The following SERTAD4 variants were observed in gnomAD, a reference collection of about 807,000 sequenced individuals.
SERTAD4 encodes SERTA domain-containing protein 4.
A neutral mutation model predicts 32.9 loss-of-function variants in SERTAD4; 18 were observed. The observed-to-expected ratio is 0.55, with a 90% CI of 0.38 to 0.81. The LOEUF is 0.81. Among genes scored for constraint, SERTAD4 ranks in the 30% least tolerant of loss-of-function variants. SERTAD4 has a pLI of 0.00. For synonymous variants in SERTAD4, 150 were observed against 156.4 expected (o/e 0.96, Z 0.30); for missense variants, 383 against 426.0 (o/e 0.90, Z 0.89).
intron 1 of SERTAD4, among the ~76,000 whole-genome samples, chr1:210,236,283 C>T (rs1183754586): frequency 1.3e-5 from 2 of 152,220 alleles, no homozygotes; most frequent in Non-Finnish European, 2.9e-5. Flanking sequence ...TAAGTCCGTA[C>T]TGATGTCTCT....
At chr1:210,238,159 T>TC (rs753237057) in intron 2 of SERTAD4, 24 bp downstream of exon 2, 62 of 1,291,580 alleles carry the variant, frequency 4.8e-5, no homozygotes, top group Middle Eastern at 2.8e-4. Context: ...CCTGCGCCCA[T>TC]CCCCCCCACC....
At chr1:210,238,165 C>T in intron 2 of SERTAD4, 30 bp downstream of exon 2, 2 of 1,376,702 alleles carry the variant, frequency 1.5e-6, no homozygotes, top group Non-Finnish European at 2.0e-6. Context: ...CCCATCCCCC[C>T]CACCCCTCGC....
rs1420433379 is a variant in SERTAD4 at position 210,233,009 on chromosome 1, G to A, written c.-20G>A. 1 of 150,912 alleles carries A rather than the reference G, an allele frequency of 6.6e-6. No homozygotes were observed. Among genetic ancestry groups the A allele is most frequent in the Non-Finnish European group, 1.5e-5 (1 of 67,614 alleles). 9.3% of individuals were successfully genotyped at this position (150,912 alleles called of 1,614,324 possible). On this transcript the variant is annotated splice_region_variant and 5_prime_UTR_variant, in exon 1 of 4. Coordinates refer to ENST00000367012, the MANE Select transcript of SERTAD4 (RefSeq NM_019605.5). Reference sequence around the variant, plus strand: ...CGGCCGCCGCCTCCCCGCTGACCCCGCGGTAAGAGCCGGGCTGGGCGCGGG... The same window carrying A: ...CGGCCGCCGCCTCCCCGCTGACCCCACGGTAAGAGCCGGGCTGGGCGCGGG...
rs1309876925 is a variant in SERTAD4, at chr1:210,243,917, A to G, written c.*1580A>G. The G allele has an allele frequency of 6.6e-6, 1 of 152,192 alleles. No individual in the cohort carries two copies. The highest frequency in any genetic ancestry group is 2.4e-5 in the African/African-American group (1 of 41,446). The allele number at this position is 152,192 out of a possible 1,614,324, so 9.4% of individuals were successfully genotyped here. A position where few individuals can be genotyped will look rare whatever the true frequency, so the allele number is the denominator to read the frequency against. On this transcript the variant is annotated 3_prime_UTR_variant, in exon 4 of 4. Transcript: ENST00000367012. ...AGGATCATTTGGACAATTGTCCACAAAGACCAATTTTTAAAACATTTTCTT... is the reference window on the plus strand; with the variant it reads ...AGGATCATTTGGACAATTGTCCACAGAGACCAATTTTTAAAACATTTTCTT...
At chr1:210,234,847 C>A (rs2083925388) in intron 1 of SERTAD4, among the ~76,000 whole-genome samples, 1 of 152,156 alleles carries the variant, frequency 6.6e-6, no homozygotes, top group African/African-American at 2.4e-5. Flanking sequence ...ATCATAATTG[C>A]TTCTAGGAAA....
intron 3 of SERTAD4, 56 bp downstream of exon 3, chr1:210,239,664 G>A (rs979036216): frequency 5.0e-6 from 5 of 992,160 alleles, no homozygotes. Context: ...CTTAGTAACA[G>A]TTGCTTGATC....
chr1:210,241,000 CTG>C (rs755990157), intron 3 of SERTAD4, among the ~76,000 whole-genome samples: 1 of 151,984 alleles, frequency 6.6e-6, no homozygotes, highest in South Asian at 2.1e-4. Flanking sequence ...AGTTATGTGT[CTG>C]TGTGTGTGTA....
Position 210,244,512 on chromosome 1 carries a change from A to G in SERTAD4, c.*2175A>G, listed in dbSNP as rs1453081640. 2.6e-5 allele frequency: 4 copies of G among 152,236 alleles called. No homozygotes were observed. Among genetic ancestry groups the G allele is most frequent in the African/African-American group, 9.6e-5 (4 of 41,464 alleles). The allele number at this position is 152,236 out of a possible 1,614,324, so 9.4% of individuals were successfully genotyped here. On this transcript the variant is annotated 3_prime_UTR_variant, in exon 4 of 4. Transcript: ENST00000367012. Reference sequence around the variant, plus strand: ...ACAGCTACAGATTATTGCTAGTAGCATTCCATACAATTCCATATTAATGTT... The same window carrying G: ...ACAGCTACAGATTATTGCTAGTAGCGTTCCATACAATTCCATATTAATGTT...
intron 1 of SERTAD4, 23 bp from the exon 2 acceptor site, chr1:210,237,920 TG>T: frequency 6.6e-7 from 1 of 1,524,840 alleles, no homozygotes; most frequent in South Asian, 1.2e-5. Context: ...TCTTCATTCT[TG>T]TTTTTTTTTT....
Position 210,241,912 on chromosome 1 carries a change from G to A in SERTAD4, c.646G>A (p.Ala216Thr), listed in dbSNP as rs1481315153. Residue 216 changes from alanine (A) to threonine (T), a missense_variant, in exon 4 of 4, where the codon GCT becomes ACT. Coordinates refer to ENST00000367012, the MANE Select transcript of SERTAD4 (RefSeq NM_019605.5). ...TGCTAATGTTGGAAGTGCCTCCACT[G>A]CTGCCTCCTCTCCCTCCGCCTCTTC... ...VNANVGSASTAASSPSASSSS... is the reference protein window; with the variant it reads ...VNANVGSASTTASSPSASSSS... 1 of 1,614,032 alleles carries A rather than the reference G, an allele frequency of 6.2e-7. No homozygotes were observed. The highest frequency in any genetic ancestry group is 1.1e-5 in the South Asian group (1 of 91,066).
At chr1:210,237,757 C>G (rs1484692351) in intron 1 of SERTAD4, among the ~76,000 whole-genome samples, 187 bp from the exon 2 acceptor site, 1 of 152,056 alleles carries the variant, frequency 6.6e-6, no homozygotes, top group Non-Finnish European at 1.5e-5. Context: ...AGAGGCTGAG[C>G]TAATAGCAGC....
At chr1:210,233,032 G>C (rs2083892710) in intron 1 of SERTAD4, 21 bp downstream of exon 1, 1 of 151,194 alleles carries the variant, frequency 6.6e-6, no homozygotes, top group Admixed American at 6.6e-5. Flanking sequence ...GGCTGGGCGC[G>C]GGCCGCGGGG....
chr1:210,242,415 G>A lies in SERTAD4; in HGVS notation c.*78G>A. On this transcript the variant is annotated 3_prime_UTR_variant, in exon 4 of 4. Coordinates refer to ENST00000367012, the MANE Select transcript of SERTAD4 (RefSeq NM_019605.5). The surrounding 1 kb of genome is among the most constrained non-coding windows in gnomAD (Gnocchi z 4.0). ...GTAAATTTTATTTTGAATGGATTTT[G>A]TAGTTTTGTACAACAGATAAAATTA... is the stretch of plus-strand genomic sequence containing the variant. The A allele has an allele frequency of 6.0e-6, 9 of 1,504,430 alleles. No homozygotes were observed. The highest frequency in any genetic ancestry group is 7.1e-6 in the Non-Finnish European group (8 of 1,132,122). 93.2% of individuals were successfully genotyped at this position (1,504,430 alleles called of 1,614,324 possible).
chr1:210,245,344 A>C lies in SERTAD4; in HGVS notation c.*3007A>C, dbSNP rs1270594348. 1 of 152,244 alleles carries C rather than the reference A, an allele frequency of 6.6e-6. No homozygotes were observed. Among genetic ancestry groups the C allele is most frequent in the African/African-American group, 2.4e-5 (1 of 41,462 alleles). The allele number at this position is 152,244 out of a possible 1,614,324, so 9.4% of individuals were successfully genotyped here. A position where few individuals can be genotyped will look rare whatever the true frequency, so the allele number is the denominator to read the frequency against. ...TCCCCTAGGCATCTGGGTGCATATCATTAATGAAATCATTAACCTTTGTCT... is the reference window on the plus strand; with the variant it reads ...TCCCCTAGGCATCTGGGTGCATATCCTTAATGAAATCATTAACCTTTGTCT... On this transcript the variant is annotated 3_prime_UTR_variant, in exon 4 of 4. Transcript: ENST00000367012.
rs1316026090 is a variant in SERTAD4 at position 210,241,978 on chromosome 1, C to G, written c.712C>G (p.Pro238Ala). Residue 238 changes from proline to alanine, a missense_variant, in exon 4 of 4, where the codon CCG becomes GCG. Pro to Ala is a conservative substitution (Grantham distance 27). This residue lies in a region of SERTAD4 where 180 missense variants were observed against 190.6 expected (regional missense o/e 0.94). Coordinates refer to ENST00000367012, the MANE Select transcript of SERTAD4 (RefSeq NM_019605.5). ...CTCTTCCTCTCCCCCTTTGCCTTTACCGAGTTGTTCCCGCCAGGTGGATTT... is the reference window on the plus strand; with the variant it reads ...CTCTTCCTCTCCCCCTTTGCCTTTAGCGAGTTGTTCCCGCCAGGTGGATTT... ...SSSSSPPLPLPSCSRQVDFDV... is the reference protein window; with the variant it reads ...SSSSSPPLPLASCSRQVDFDV... 1.9e-6 allele frequency: 3 copies of G among 1,614,080 alleles called. No individual in the cohort carries two copies. Among genetic ancestry groups the G allele is most frequent in the Non-Finnish European group, 2.5e-6 (3 of 1,179,970 alleles).
At chr1:210,241,526 G>GTTTTTTTT in intron 3 of SERTAD4, 32 bp from the exon 4 acceptor site, 6 of 1,431,914 alleles carry the variant, frequency 4.2e-6, no homozygotes, top group African/African-American at 1.5e-5. Context: ...TTTTCTGTTT[G>GTTTTTTTT]TTTTTTTCTT....
In SERTAD4 at chr1:210,238,062, C is replaced by T. The variant is rs141031190; in HGVS notation, c.102C>T (p.Tyr34=). 44 of 1,613,630 alleles carry T rather than the reference C, an allele frequency of 2.7e-5. No individual in the cohort carries two copies. The highest frequency in any genetic ancestry group is 1.5e-4 in the Admixed American group (9 of 59,916). Residue 34 remains tyrosine (Y), a synonymous_variant, in exon 2 of 4, where the codon TAC becomes TAT. Coordinates refer to ENST00000367012, the MANE Select transcript of SERTAD4 (RefSeq NM_019605.5). ...AAACACTATGGGAGGCTGACAGCTACGGAGGCCCAAGCCCCCCAGGGCCAG... is the reference window on the plus strand; with the variant it reads ...AAACACTATGGGAGGCTGACAGCTATGGAGGCCCAAGCCCCCCAGGGCCAG... ...GYQTLWEADS[Y]GGPSPPGPAQ... is the part of the protein sequence containing the mutation.
chr1:210,245,616 CCTTTTATTAAGA>C lies in SERTAD4; in HGVS notation c.*3281_*3292del, dbSNP rs1433012495. 5.6e-6 allele frequency: 1 copy of C among 178,132 alleles called. No homozygotes were observed. Among genetic ancestry groups the C allele is most frequent in the Admixed American group, 6.5e-5 (1 of 15,300 alleles). The allele number at this position is 178,132 out of a possible 1,614,324, so 11.0% of individuals were successfully genotyped here. A position where few individuals can be genotyped will look rare whatever the true frequency, so the allele number is the denominator to read the frequency against. On this transcript the variant is annotated 3_prime_UTR_variant, in exon 4 of 4. Transcript: ENST00000367012. Reference sequence around the variant, plus strand: ...TTAGGGGAAAGCATCTTTGGCGTGACCTTTTATTAAGACAACAGAAATTTAGAACATTTTACA... The same window carrying C: ...TTAGGGGAAAGCATCTTTGGCGTGACCAACAGAAATTTAGAACATTTTACA...
At chr1:210,235,931 A>G (rs1020870492) in intron 1 of SERTAD4, among the ~76,000 whole-genome samples, 3 of 152,222 alleles carry the variant, frequency 2.0e-5, no homozygotes, top group Admixed American at 2.0e-4. Flanking sequence ...AAACTAGAAA[A>G]TGTTGATTCT....
Sources: gnomAD v4.1 joint callset for allele counts (sites outside exome capture counted in the v4.1 genomes callset) on GRCh38, gnomAD v4.1.1 for gene constraint, gnomAD v4.1.1 regional missense constraint, Gnocchi (gnomAD v3.1) non-coding constraint, MANE v1.5 for transcripts, NCBI Gene and HGNC (gene_info 2026-07-23, HGNC 2026-07-21) for gene names.